The following FOXN3 variants were observed in gnomAD, a reference collection of about 807,000 sequenced individuals.
FOXN3 encodes the protein forkhead box N3, also known as forkhead box protein N3.
In FOXN3, 7 loss-of-function variants were observed where a neutral mutation model predicts 38.4. The ratio of observed to expected loss-of-function variants is 0.18; its 90% CI spans 0.10 to 0.34. The LOEUF (loss-of-function observed/expected upper bound fraction) is 0.34. Ranked by LOEUF, FOXN3 falls within the 10% of genes least tolerant of loss-of-function variation. The pLI is 1.00. For synonymous variants in FOXN3, 230 were observed against 242.2 expected, an observed-to-expected ratio of 0.95 and a Z score of 0.47; for missense variants, 456 against 613.4, an observed-to-expected ratio of 0.74 and a Z score of 2.71.
rs1167331890 is a variant in FOXN3, at chr14:89,221,289, C to T, written c.746-40483G>A. Among the ~76,000 whole-genome samples the T allele has an allele frequency of 2.0e-5, 3 of 152,148 alleles. No homozygotes were observed. The East Asian group carries it at 5.8e-4, about 29-fold the overall frequency. On this transcript the variant is annotated intron_variant, in intron 4 of 5. Coordinates refer to ENST00000557258, the MANE Select transcript of FOXN3 (RefSeq NM_005197.4). ...CTTTCTCTTGGATGGTGTTCTATTG[C>T]TATGACAACCAATAACATTTTGCAC...
At chr14:89,241,072 A>G (rs1885126643) in intron 4 of FOXN3, among the ~76,000 whole-genome samples, 2 of 152,148 alleles carry the variant, frequency 1.3e-5, no homozygotes, top group Admixed American at 6.5e-5. Flanking sequence ...CCATTTTCCA[A>G]TTAGCGCTAC....
chr14:89,428,595 T>C (rs1185169856), intron 1 of FOXN3, among the ~76,000 whole-genome samples: 1 of 152,248 alleles, frequency 6.6e-6, no homozygotes, highest in African/African-American at 2.4e-5. Flanking sequence ...TAAGTTGGCA[T>C]TGCTTCCAGA....
At chr14:89,298,616 GAC>G (rs1392091076) in intron 3 of FOXN3, among the ~76,000 whole-genome samples, 2 of 152,110 alleles carry the variant, frequency 1.3e-5, no homozygotes, top group African/African-American at 4.8e-5. Context: ...TAAGGCAGGT[GAC>G]ACCTCTGCTG....
chr14:89,248,528 C>T (rs1380317222), intron 4 of FOXN3, among the ~76,000 whole-genome samples: 2 of 152,210 alleles, frequency 1.3e-5, no homozygotes, highest in Non-Finnish European at 2.9e-5. Context: ...GTAAAAGCTG[C>T]TGTATTTACA....
At chr14:89,533,196 A>G (rs1300383342) in intron 1 of FOXN3, among the ~76,000 whole-genome samples, 1 of 152,236 alleles carries the variant, frequency 6.6e-6, no homozygotes, top group African/African-American at 2.4e-5. Flanking sequence ...CATGTCATGC[A>G]TGGAGGAAAG....
At chr14:89,415,420 G>T (rs1596261937) in intron 1 of FOXN3, among the ~76,000 whole-genome samples, 1 of 151,898 alleles carries the variant, frequency 6.6e-6, no homozygotes, top group East Asian at 1.9e-4. Context: ...AGAAAAAGTG[G>T]CATTGTCACG....
At chr14:89,313,934 C>A (rs1182741683) in intron 3 of FOXN3, among the ~76,000 whole-genome samples, 6 of 152,020 alleles carry the variant, frequency 3.9e-5, no homozygotes. Flanking sequence ...CCAGAGTAGT[C>A]AAATTCGTAG....
intron 3 of FOXN3, among the ~76,000 whole-genome samples, chr14:89,287,797 C>T (rs1244669979): frequency 6.7e-6 from 1 of 149,230 alleles, no homozygotes; most frequent in East Asian, 2.0e-4. Context: ...ACCCCTGTAA[C>T]CTCAGCACTT....
Position 89,321,608 on chromosome 14 carries a change from T to A in FOXN3, c.680+29064A>T, listed in dbSNP as rs140792981. 1.5e-3 allele frequency among the ~76,000 whole-genome samples: 224 copies of A among 152,136 alleles called. 1 individual carries two copies. Among genetic ancestry groups the A allele is most frequent in the African/African-American group, 5.2e-3 (217 of 41,504 alleles). The stretch of plus-strand genomic sequence containing the variant: ...ATAAAATAAAATAAAAATTAAGAAG[T>A]TGTATTCTGATCACACTTCCCATTC... On this transcript the variant is annotated intron_variant, in intron 3 of 5. Transcript: ENST00000557258.
Position 89,386,770 on chromosome 14 carries a change from G to C in FOXN3, c.543+25164C>G, listed in dbSNP as rs527626140. On this transcript the variant is annotated intron_variant, in intron 2 of 5. Coordinates refer to ENST00000557258, the MANE Select transcript of FOXN3 (RefSeq NM_005197.4). ...AAAGTGCCAGCAGCTTCAGTTCCTG[G>C]TAAGGACTCTCTTCGTGAGAAGACG... Among the ~76,000 whole-genome samples the C allele has an allele frequency of 2.6e-5, 4 of 152,296 alleles. No homozygotes were observed. In the South Asian group the frequency reaches 8.3e-4, roughly 32 times the overall value.
chr14:89,609,220 G>A (rs895747734), intron 1 of FOXN3, among the ~76,000 whole-genome samples: 6 of 152,188 alleles, frequency 3.9e-5, no homozygotes, highest in South Asian at 2.1e-4. Context: ...ATTCTTTTTC[G>A]AGACAGGGTC....
In FOXN3 at chr14:89,214,771, G is replaced by A. The variant is rs1361942180; in HGVS notation, c.746-33965C>T. On this transcript the variant is annotated intron_variant, in intron 4 of 5. Coordinates refer to ENST00000557258, the MANE Select transcript of FOXN3 (RefSeq NM_005197.4). ...TTTTTCTCAGCCCAGTGGGGACCAC[G>A]TAATGTGAATGCCTTCTATCTAAGC... 3.9e-5 allele frequency among the ~76,000 whole-genome samples: 6 copies of A among 152,220 alleles called. No individual in the cohort carries two copies. In the South Asian group the frequency reaches 8.3e-4, roughly 21 times the overall value.
At chr14:89,611,722 C>T (rs1253802960) in intron 1 of FOXN3, among the ~76,000 whole-genome samples, 1 of 147,988 alleles carries the variant, frequency 6.8e-6, no homozygotes, top group African/African-American at 2.5e-5. Context: ...AGGAGAACGG[C>T]GTGAACCTGG....
At chr14:89,285,863 A>ATTT (rs34767285) in intron 3 of FOXN3, among the ~76,000 whole-genome samples, 1 of 145,980 alleles carries the variant, frequency 6.9e-6, no homozygotes, top group African/African-American at 2.6e-5. Context: ...TTTACCAAAA[A>ATTT]TTTTTTTTTT....
At chr14:89,248,464 C>G (rs1885359716) in intron 4 of FOXN3, among the ~76,000 whole-genome samples, 1 of 152,260 alleles carries the variant, frequency 6.6e-6, no homozygotes, top group Non-Finnish European at 1.5e-5. Flanking sequence ...TCCCTAGGGA[C>G]TGGCTTTAGT....
intron 1 of FOXN3, among the ~76,000 whole-genome samples, chr14:89,445,235 C>G (rs2139701734): frequency 6.6e-6 from 1 of 152,164 alleles, no homozygotes; most frequent in Non-Finnish European, 1.5e-5. Flanking sequence ...GACTTCTGAA[C>G]TTGAGTTCCC....
intron 2 of FOXN3, among the ~76,000 whole-genome samples, chr14:89,402,609 T>A (rs1891279318): frequency 6.6e-6 from 1 of 151,988 alleles, no homozygotes; most frequent in Admixed American, 6.6e-5. Context: ...GAGGGTGGGG[T>A]TTCTGGGAAA....
At chr14:89,260,312 C>G (rs1240552459) in intron 4 of FOXN3, among the ~76,000 whole-genome samples, 3 of 152,264 alleles carry the variant, frequency 2.0e-5, no homozygotes, top group African/African-American at 7.2e-5. Context: ...GTACGGGGAT[C>G]TGCTCTCCCG....
intron 2 of FOXN3, among the ~76,000 whole-genome samples, chr14:89,385,239 A>G (rs1890759785): frequency 6.6e-6 from 1 of 152,214 alleles, no homozygotes; most frequent in South Asian, 2.1e-4. Flanking sequence ...GTGCCAATAA[A>G]GAATACTGGC....
Sources: gnomAD v4.1 joint callset for allele counts (sites outside exome capture counted in the v4.1 genomes callset) on GRCh38, gnomAD v4.1.1 for gene constraint, MANE v1.5 for transcripts, NCBI Gene and HGNC (gene_info 2026-07-23, HGNC 2026-07-21) for gene names.